Variants in KIF18A observed in about 807,000 individuals in gnomAD.
KIF18A encodes the protein kinesin-like protein KIF18A.
A neutral mutation model predicts 103.3 loss-of-function variants in KIF18A; 67 were observed. The ratio of observed to expected loss-of-function variants is 0.65; its 90% CI spans 0.53 to 0.79. The LOEUF is 0.79. Ranked by LOEUF, KIF18A falls within the 30% of genes least tolerant of loss-of-function variation. KIF18A has a pLI of 0.00. For missense variants in KIF18A, 1,032 were observed against 1,062.5 expected (o/e 0.97, Z 0.40); for synonymous variants, 367 against 355.5 (o/e 1.03, Z -0.36).
intron 3 of KIF18A, among the ~76,000 whole-genome samples, chr11:28,094,303 A>G (rs983801540): frequency 2.8e-4 from 43 of 152,266 alleles, no homozygotes; most frequent in African/African-American, 9.9e-4. Context: ...GTTATTTTTA[A>G]AAAGTCCTGT....
intron 7 of KIF18A, 67 bp downstream of exon 7, chr11:28,084,565 T>C (rs1851203158): frequency 7.7e-7 from 1 of 1,293,076 alleles, no homozygotes; most frequent in Non-Finnish European, 1.1e-6. Flanking sequence ...ATTAATACTT[T>C]CATTACAATT....
At chr11:28,043,901 A>C (rs1850596045) in intron 13 of KIF18A, among the ~76,000 whole-genome samples, 1 of 97,174 alleles carries the variant, frequency 1.0e-5, no homozygotes, top group Non-Finnish European at 2.0e-5. Flanking sequence ...GCTCTGTAAA[A>C]TAATAAATGA....
chr11:28,069,341 T>C lies in KIF18A; in HGVS notation c.1508A>G (p.Lys503Arg). 1 of 1,613,688 alleles carries C rather than the reference T, an allele frequency of 6.2e-7. No individual in the cohort carries two copies. Among genetic ancestry groups the C allele is most frequent in the Non-Finnish European group, 8.5e-7 (1 of 1,179,734 alleles). Residue 503 changes from lysine (K) to arginine (R), a missense_variant, in exon 11 of 17, where the codon AAG becomes AGG. By Grantham distance (26) the Lys-to-Arg change is conservative. Coordinates refer to ENST00000263181, the MANE Select transcript of KIF18A (RefSeq NM_031217.4). The part of the protein sequence containing the change: ...YLEKRREEEL[K>R]QFDENTNWLH... ...CCAATTAGTATTCTCATCAAATTGC[T>C]TCAATTCCTCCTCCCTCCTTTTCTC...
intron 2 of KIF18A, among the ~76,000 whole-genome samples, chr11:28,095,906 G>A (rs1646647851): frequency 6.6e-6 from 1 of 151,260 alleles, no homozygotes; most frequent in Admixed American, 6.6e-5. Context: ...AGCTATTCAG[G>A]AGGCTAAGAT....
intron 6 of KIF18A, among the ~76,000 whole-genome samples, chr11:28,086,549 T>C (rs554695591): frequency 1.3e-5 from 2 of 152,326 alleles, no homozygotes; most frequent in South Asian, 2.1e-4. Flanking sequence ...TGTTATCCAA[T>C]GTATACCTTT....
chr11:28,024,526 C>G (rs1850288342), intron 15 of KIF18A, among the ~76,000 whole-genome samples: 1 of 151,724 alleles, frequency 6.6e-6, no homozygotes, highest in Non-Finnish European at 1.5e-5. Flanking sequence ...GTCCTAAAAA[C>G]TTATAGAATA....
At chr11:28,072,865 T>C (rs1851039078) in intron 10 of KIF18A, among the ~76,000 whole-genome samples, 1 of 152,090 alleles carries the variant, frequency 6.6e-6, no homozygotes, top group African/African-American at 2.4e-5. Flanking sequence ...ATGGAGGAAT[T>C]AAGACAGTAA....
intron 13 of KIF18A, among the ~76,000 whole-genome samples, chr11:28,052,821 A>G (rs1397449268): frequency 6.6e-6 from 1 of 152,186 alleles, no homozygotes; most frequent in African/African-American, 2.4e-5. Flanking sequence ...TGAATGAAAA[A>G]AAACCTACAC....
At position 28,043,408 on chromosome 11, in the gene KIF18A, A is replaced by C. The variant is rs180892197; in HGVS notation, c.1949-6744T>G. Reference sequence around the variant, plus strand: ...ATTATAATAAGCAAACAGAAAACTCACTGGACCTATAAAAAGAAAATGTAA... The same window carrying C: ...ATTATAATAAGCAAACAGAAAACTCCCTGGACCTATAAAAAGAAAATGTAA... On this transcript the variant is annotated intron_variant, in intron 13 of 16. Coordinates refer to ENST00000263181, the MANE Select transcript of KIF18A (RefSeq NM_031217.4). 3.0e-4 allele frequency among the ~76,000 whole-genome samples: 46 copies of C among 152,060 alleles called. No individual in the cohort carries two copies. In the East Asian group the frequency reaches 7.0e-3, roughly 23 times the overall value.
chr11:28,094,673 T>C lies in KIF18A; in HGVS notation c.453A>G (p.Lys151=). ...GATATGAAACTGCAGTACTACATAT[T>C]TTCTCTTCTTTAATCTCATCCATGC... ...YKCMDEIKEE[K]ICSTAVSYLE... The change falls in exon 3 of 17, where the codon AAA becomes AAG. Residue 151 remains lysine, a synonymous_variant. Transcript: ENST00000263181. 1.2e-6 allele frequency: 2 copies of C among 1,612,418 alleles called. No homozygotes were observed. The highest frequency in any genetic ancestry group is 1.7e-6 in the Non-Finnish European group (2 of 1,178,500).
chr11:28,079,971 C>T (rs917997599), intron 9 of KIF18A, among the ~76,000 whole-genome samples: 3 of 152,048 alleles, frequency 2.0e-5, no homozygotes, highest in African/African-American at 7.2e-5. Context: ...TCTCAAAATT[C>T]TGTATTGGTT....
chr11:28,055,642 C>T (rs904089772), intron 13 of KIF18A, among the ~76,000 whole-genome samples: 4 of 152,076 alleles, frequency 2.6e-5, no homozygotes, highest in Admixed American at 1.3e-4. Context: ...TATCAAATTA[C>T]CTCAGTCTCT....
chr11:28,031,520 G>A (rs935561454), intron 15 of KIF18A, among the ~76,000 whole-genome samples: 2 of 151,998 alleles, frequency 1.3e-5, no homozygotes, highest in Admixed American at 6.6e-5. Flanking sequence ...ATCACACACC[G>A]GGGCCTGTTG....
chr11:28,077,083 T>C lies in KIF18A; in HGVS notation c.1349A>G (p.Asn450Ser). The C allele has an allele frequency of 6.3e-7, 1 of 1,581,620 alleles. No homozygotes were observed. Among genetic ancestry groups the C allele is most frequent in the Non-Finnish European group, 8.6e-7 (1 of 1,166,854 alleles). Residue 450 changes from asparagine (N) to serine (S), a missense_variant, in exon 10 of 17, where the codon AAT (asparagine) becomes AGT (serine). Coordinates refer to ENST00000263181, the MANE Select transcript of KIF18A (RefSeq NM_031217.4). ...YLKLEMLLKE[N>S]ELKSFYQQQC... ...TTGTTGGTAGAATGATTTAAGTTCA[T>C]TTTCTTTAAGTAACATTTCCAACTT...
chr11:28,057,273 T>C (rs1180647052), intron 13 of KIF18A, among the ~76,000 whole-genome samples: 1 of 152,106 alleles, frequency 6.6e-6, no homozygotes, highest in Non-Finnish European at 1.5e-5. Flanking sequence ...CCCAGCACTT[T>C]GGGAGGCCGA....
chr11:28,077,223 C>T lies in KIF18A; in HGVS notation c.1263-54G>A. 5 of 1,305,540 alleles carry T rather than the reference C, an allele frequency of 3.8e-6. No homozygotes were observed. The South Asian group carries it at 7.1e-5, about 18-fold the overall frequency. The allele number at this position is 1,305,540 out of a possible 1,614,324, so 80.9% of individuals were successfully genotyped here. On this transcript the variant is annotated intron_variant, in intron 9 of 16. Coordinates refer to ENST00000263181, the MANE Select transcript of KIF18A (RefSeq NM_031217.4). The stretch of plus-strand genomic sequence containing the variant: ...CTCACTAATTTTGTAGCAAATCATA[C>T]AAAGTTTACTTAAGAGAAATGCATA...
chr11:28,055,422 T>A lies in KIF18A; in HGVS notation c.1948+3504A>T, dbSNP rs557083594. Among the ~76,000 whole-genome samples the A allele has an allele frequency of 2.0e-5, 3 of 152,308 alleles. No homozygotes were observed. The South Asian group carries it at 6.2e-4, about 32-fold the overall frequency. On this transcript the variant is annotated intron_variant, in intron 13 of 16. Coordinates refer to ENST00000263181, the MANE Select transcript of KIF18A (RefSeq NM_031217.4). ...GCTCAGGAAAGTAATTTCTGCAATT[T>A]CAGCTAATTTCCCCTTGAGGTTGTT...
chr11:28,038,299 A>G (rs1483060527), intron 13 of KIF18A, among the ~76,000 whole-genome samples: 2 of 151,740 alleles, frequency 1.3e-5, no homozygotes, highest in East Asian at 3.9e-4. Flanking sequence ...TTAATGCCCC[A>G]AATAATGACA....
intron 11 of KIF18A, 126 bp downstream of exon 11, chr11:28,069,133 T>C: frequency 4.2e-6 from 3 of 719,818 alleles, no homozygotes; most frequent in Non-Finnish European, 6.9e-6. Context: ...TAAAAGTAAA[T>C]TAAATCTCAG....
Sources: allele counts gnomAD v4.1 joint callset (sites outside exome capture counted in the v4.1 genomes callset), GRCh38; gene constraint gnomAD v4.1.1; transcripts MANE v1.5; gene names NCBI Gene and HGNC (gene_info 2026-07-23, HGNC 2026-07-21).